DPYD: variants seen among roughly 807,000 people sequenced by gnomAD.
The protein encoded by DPYD is dihydropyrimidine dehydrogenase [NADP(+)].
DPYD carries 109 observed loss-of-function variants against 116.2 expected under a neutral mutation model. That is an observed-to-expected ratio of 0.94 (90% confidence interval 0.80 to 1.10). The LOEUF (loss-of-function observed/expected upper bound fraction) is 1.10, where lower values mean the gene tolerates loss of function less well. Among genes scored for constraint, DPYD ranks in the 50% least tolerant of loss-of-function variants. The probability of loss-of-function intolerance (pLI) is 0.00; values close to 1 mark genes in which losing one functional copy is unlikely to be tolerated. For missense variants in DPYD, 1,302 were observed against 1,254.5 expected, an observed-to-expected ratio of 1.04 and a Z score of -0.57; for synonymous variants, 440 against 432.0, an observed-to-expected ratio of 1.02 and a Z score of -0.23.
chr1:97,676,945 G>A (rs1322460900), intron 8 of DPYD, among the ~76,000 whole-genome samples: 1 of 152,264 alleles, frequency 6.6e-6, no homozygotes, highest in South Asian at 2.1e-4. Flanking sequence ...AAAATGCACA[G>A]CACATAAATA....
intron 20 of DPYD, among the ~76,000 whole-genome samples, chr1:97,156,683 T>C (rs1413483844): frequency 6.6e-6 from 1 of 151,994 alleles, no homozygotes; most frequent in Non-Finnish European, 1.5e-5. Context: ...TGTAAACTAG[T>C]TCAACCACTG....
At chr1:97,544,941 C>T (rs1650714667) in intron 12 of DPYD, among the ~76,000 whole-genome samples, 1 of 152,138 alleles carries the variant, frequency 6.6e-6, no homozygotes, top group Non-Finnish European at 1.5e-5. Context: ...AACACAAGAA[C>T]CTCATCTCTT....
At position 97,699,461 on chromosome 1, in the gene DPYD, A is replaced by G. The variant is rs149843476; in HGVS notation, c.570T>C (p.Ile190=). 4.2e-5 allele frequency: 67 copies of G among 1,613,614 alleles called. No individual in the cohort carries two copies. The highest frequency in any genetic ancestry group is 5.3e-5 in the African/African-American group (4 of 74,894). ...TTGCAGGCCCAGCACCAAAAAGAGC[A>G]ATCTTTGCAGAATAGGCTTCAGACA... ...EKMSEAYSAK[I]ALFGAGPASI... Residue 190 remains isoleucine (I), a synonymous_variant, in exon 6 of 23, where the codon ATT becomes ATC. Transcript: ENST00000370192.
At chr1:97,162,417 T>C (rs1655986773) in intron 20 of DPYD, among the ~76,000 whole-genome samples, 1 of 152,046 alleles carries the variant, frequency 6.6e-6, no homozygotes, top group Non-Finnish European at 1.5e-5. Context: ...GGAATCCAAC[T>C]TACAAGGGAC....
intron 18 of DPYD, chr1:97,295,803 G>C: frequency 5.2e-6 from 5 of 968,842 alleles, no homozygotes; most frequent in Non-Finnish European, 6.1e-6. Context: ...GAAAACCAAG[G>C]TATTGCTTAG....
At chr1:97,345,540 T>G (rs1448715832) in intron 16 of DPYD, among the ~76,000 whole-genome samples, 1 of 151,928 alleles carries the variant, frequency 6.6e-6, no homozygotes, top group Non-Finnish European at 1.5e-5. Flanking sequence ...CAATCACCTT[T>G]CCCTCATAAC....
intron 12 of DPYD, chr1:97,545,666 C>A (rs1358948030): frequency 1.5e-6 from 1 of 671,832 alleles, no homozygotes; most frequent in Non-Finnish European, 2.6e-6. Context: ...AGTTACACAG[C>A]AGGAGGTAAG....
intron 19 of DPYD, among the ~76,000 whole-genome samples, chr1:97,203,674 CAAA>C (rs575950598): frequency 0.038 from 681 of 18,078 alleles, 25 homozygotes; most frequent in South Asian, 0.17. Flanking sequence ...CCCCCCCCCC[CAAA>C]AAAAAAAAAA....
chr1:97,853,806 T>A lies in DPYD; in HGVS notation c.151-25610A>T, dbSNP rs75615660. ...GTTAACATAAATAGTGTTCTCCCAC[T>A]TTCCAGTATTGTTTTGCTTTACAAA... On this transcript the variant is annotated intron_variant, in intron 2 of 22. Coordinates refer to ENST00000370192, the MANE Select transcript of DPYD (RefSeq NM_000110.4). Among the ~76,000 whole-genome samples, 421 of 152,310 alleles carry A rather than the reference T, an allele frequency of 2.8e-3. 3 individuals are homozygous for A. Among genetic ancestry groups the A allele is most frequent in the African/African-American group, 9.6e-3 (401 of 41,576 alleles).
intron 1 of DPYD, among the ~76,000 whole-genome samples, chr1:97,918,576 C>A (rs1377266448): frequency 2.0e-5 from 3 of 152,096 alleles, no homozygotes; most frequent in Non-Finnish European, 4.4e-5. Flanking sequence ...CCGTCAAATC[C>A]TGATGTGATA....
At chr1:97,592,307 G>A (rs1030861357) in intron 10 of DPYD, among the ~76,000 whole-genome samples, 3 of 152,004 alleles carry the variant, frequency 2.0e-5, no homozygotes, top group Non-Finnish European at 2.9e-5. Flanking sequence ...GTAAATAGCC[G>A]ATACCTCACC....
intron 20 of DPYD, among the ~76,000 whole-genome samples, chr1:97,186,111 C>G (rs890169331): frequency 2.0e-5 from 3 of 152,244 alleles, no homozygotes; most frequent in East Asian, 1.9e-4. Context: ...TTACACATTT[C>G]TTTGGACACT....
In DPYD at chr1:97,589,602, A is replaced by G. The variant is rs1483292534; in HGVS notation, c.1128+3616T>C. 7.9e-5 allele frequency among the ~76,000 whole-genome samples: 12 copies of G among 152,344 alleles called. No homozygotes were observed. The South Asian group carries it at 2.3e-3, about 29-fold the overall frequency. On this transcript the variant is annotated intron_variant, in intron 10 of 22. Coordinates refer to ENST00000370192, the MANE Select transcript of DPYD (RefSeq NM_000110.4). ...TCGGGCAGTTCTTCACAGCAGTATG[A>G]AAATGGACTAATAAACCATGTTAAA...
chr1:97,152,459 C>A lies in DPYD; in HGVS notation c.2622+40610G>T, dbSNP rs552497111. On this transcript the variant is annotated intron_variant, in intron 20 of 22. Transcript: ENST00000370192. ...TCACATACACACACACACACACACA[C>A]ACACACACACACTTACATAAACACA... 2.0e-5 allele frequency among the ~76,000 whole-genome samples: 3 copies of A among 151,922 alleles called. No individual in the cohort carries two copies. The South Asian group carries it at 6.2e-4, about 32-fold the overall frequency.
rs181037865 is a variant in DPYD at position 97,358,108 on chromosome 1, C to T, written c.2058+15453G>A. ...AGGACACTCCCACCCAAATACTGTG[C>T]TTTTCCAATGGTCTTAGCAAATGGC... On this transcript the variant is annotated intron_variant, in intron 16 of 22. Coordinates refer to ENST00000370192, the MANE Select transcript of DPYD (RefSeq NM_000110.4). 1.4e-3 allele frequency among the ~76,000 whole-genome samples: 218 copies of T among 152,306 alleles called. 1 individual carries two copies. Among genetic ancestry groups the T allele is most frequent in the African/African-American group, 5.1e-3 (213 of 41,580 alleles).
intron 14 of DPYD, among the ~76,000 whole-genome samples, chr1:97,428,410 A>C (rs2101721260): frequency 6.6e-6 from 1 of 152,270 alleles, no homozygotes; most frequent in African/African-American, 2.4e-5. Context: ...AACATGAAAA[A>C]GAATTTTTTA....
chr1:97,175,446 T>A (rs1397885961), intron 20 of DPYD, among the ~76,000 whole-genome samples: 3 of 152,228 alleles, frequency 2.0e-5, no homozygotes, highest in Non-Finnish European at 2.9e-5. Flanking sequence ...TGACAACAGA[T>A]GCATCTGCCA....
At chr1:97,740,612 T>C (rs1199161823) in intron 3 of DPYD, 133 bp from the exon 4 acceptor site, 1 of 774,358 alleles carries the variant, frequency 1.3e-6, no homozygotes, top group East Asian at 2.7e-5. Flanking sequence ...CAAAACATTT[T>C]TAAGCAATAA....
At position 97,883,471 on chromosome 1, in the gene DPYD, C is replaced by T. The variant is rs1672329508; in HGVS notation, c.40-97G>A. 5.3e-6 allele frequency: 5 copies of T among 941,848 alleles called. No individual in the cohort carries two copies. The South Asian group carries it at 7.4e-5, about 14-fold the overall frequency. The allele number at this position is 941,848 out of a possible 1,614,324, so 58.3% of individuals were successfully genotyped here. On this transcript the variant is annotated intron_variant, in intron 1 of 22. Coordinates refer to ENST00000370192, the MANE Select transcript of DPYD (RefSeq NM_000110.4). Reference sequence around the variant, plus strand: ...ATTTTTATTTATTTTGAGACACGGTCTCTCTCACTTTGTCACCCAGGCTGG... The same window carrying T: ...ATTTTTATTTATTTTGAGACACGGTTTCTCTCACTTTGTCACCCAGGCTGG...
Sources: allele counts gnomAD v4.1 joint callset (sites outside exome capture counted in the v4.1 genomes callset), GRCh38; gene constraint gnomAD v4.1.1; transcripts MANE v1.5; gene names NCBI Gene and HGNC (gene_info 2026-07-23, HGNC 2026-07-21).